The following PABPC1L variants were observed in gnomAD, a reference collection of about 807,000 sequenced individuals.
The protein encoded by PABPC1L is polyadenylate-binding protein 1-like.
Under a neutral mutation model 66.6 loss-of-function variants are expected in PABPC1L, and 31 were observed. The observed-to-expected ratio is 0.47, with a 90% CI of 0.35 to 0.63. PABPC1L has a LOEUF of 0.63. Among genes scored for constraint, PABPC1L ranks in the 20% least tolerant of loss-of-function variants. The pLI is 0.00. For missense variants in PABPC1L, 722 were observed against 848.8 expected, an observed-to-expected ratio of 0.85 and a Z score of 1.86; for synonymous variants, 348 against 335.1, an observed-to-expected ratio of 1.04 and a Z score of -0.42.
chr20:44,914,429 C>T (rs567344358), intron 2 of PABPC1L, among the ~76,000 whole-genome samples: 19 of 152,118 alleles, frequency 1.2e-4, no homozygotes, highest in Admixed American at 6.5e-4. Context: ...AGGATGGTCT[C>T]GATCTCCTGA....
At chr20:44,919,615 G>A (rs1424601263) in intron 5 of PABPC1L, among the ~76,000 whole-genome samples, 1 of 152,176 alleles carries the variant, frequency 6.6e-6, no homozygotes, top group Non-Finnish European at 1.5e-5. Context: ...TACGTGATAG[G>A]CTGAGGCAGG....
At chr20:44,913,565 T>C (rs1306353549) in intron 2 of PABPC1L, among the ~76,000 whole-genome samples, 18 of 152,010 alleles carry the variant, frequency 1.2e-4, no homozygotes, top group Admixed American at 1.2e-3. Flanking sequence ...GAATTACAGG[T>C]GCGAGCCACC....
chr20:44,915,803 A>T (rs1478293595), intron 2 of PABPC1L, among the ~76,000 whole-genome samples: 7 of 149,376 alleles, frequency 4.7e-5, no homozygotes, highest in African/African-American at 1.7e-4. Flanking sequence ...CTATCTCAAA[A>T]AAAAAAAAAA....
chr20:44,919,369 C>T (rs1293243548), intron 5 of PABPC1L, 92 bp downstream of exon 5: 1 of 1,384,714 alleles, frequency 7.2e-7, no homozygotes, highest in Non-Finnish European at 1.0e-6. Context: ...GGAAGAAAGT[C>T]CCTCCCCGGC....
At chr20:44,933,986 A>G (rs565796184) in intron 10 of PABPC1L, among the ~76,000 whole-genome samples, 41 of 152,088 alleles carry the variant, frequency 2.7e-4, no homozygotes, top group African/African-American at 9.4e-4. Flanking sequence ...TCCTGACCTT[A>G]GGTGATCCAC....
chr20:44,912,891 TG>T (rs1168581235), intron 2 of PABPC1L, 38 bp downstream of exon 2: 2 of 1,549,980 alleles, frequency 1.3e-6, no homozygotes, highest in African/African-American at 2.7e-5. Context: ...GGTAGATCGG[TG>T]TCAACTACCT....
At chr20:44,931,811 A>G (rs1373742531) in intron 8 of PABPC1L, 1 of 152,082 alleles carries the variant, frequency 6.6e-6, no homozygotes, top group African/African-American at 2.4e-5. Flanking sequence ...TTTCTTTACT[A>G]TCTACACTAT....
rs1241675446 is a variant in PABPC1L at position 44,933,155 on chromosome 20, C to T, written c.1429C>T (p.Pro477Ser). The T allele has an allele frequency of 1.2e-6, 2 of 1,608,946 alleles. No homozygotes were observed. Among genetic ancestry groups the T allele is most frequent in the Non-Finnish European group, 1.7e-6 (2 of 1,178,288 alleles). ...TGTCAGGCAGGCCTCCACCCAGGTGCCACGCACGGTGCCTCATACCCAGAG... is the reference window on the plus strand; with the variant it reads ...TGTCAGGCAGGCCTCCACCCAGGTGTCACGCACGGTGCCTCATACCCAGAG... ...SSVRQASTQV[P>S]RTVPHTQRVA... The change falls in exon 10 of 15, where the codon CCA becomes TCA. Residue 477 changes from proline (P) to serine (S), a missense_variant. Physicochemically the swap from Pro to Ser is moderately conservative, Grantham distance 74. This residue lies in a region of PABPC1L where 301 missense variants were observed against 337.2 expected (regional missense o/e 0.89). Transcript: ENST00000217073.
intron 3 of PABPC1L, among the ~76,000 whole-genome samples, chr20:44,917,460 A>G (rs1322649459): frequency 1.3e-5 from 2 of 151,698 alleles, no homozygotes; most frequent in Non-Finnish European, 2.9e-5. Flanking sequence ...AGCCTCCTAA[A>G]GTGTTAAAAT....
At chr20:44,911,344 A>T (rs774108185) in intron 1 of PABPC1L, among the ~76,000 whole-genome samples, 3 of 152,126 alleles carry the variant, frequency 2.0e-5, no homozygotes, top group Non-Finnish European at 4.4e-5. Flanking sequence ...GACGCCTGTA[A>T]TCCCAACTGC....
In PABPC1L at chr20:44,939,003, A is replaced by G. The variant is rs572019310; in HGVS notation, c.*7-123A>G. On this transcript the variant is annotated intron_variant, in intron 14 of 14. Coordinates refer to ENST00000217073, the MANE Select transcript of PABPC1L (RefSeq NM_001372179.1). ...CATGCAGAATAGTTTGGGCTTTCCCAGGGCCCTGCCTGGCTCCATTCTGCC... is the reference window on the plus strand; with the variant it reads ...CATGCAGAATAGTTTGGGCTTTCCCGGGGCCCTGCCTGGCTCCATTCTGCC... The G allele has an allele frequency of 1.9e-5, 13 of 686,790 alleles. No individual in the cohort carries two copies. In the Admixed American group the frequency reaches 2.3e-4, roughly 12 times the overall value. The allele number at this position is 686,790 out of a possible 1,614,324, so 42.5% of individuals were successfully genotyped here.
At chr20:44,921,047 A>C (rs1273728761) in intron 5 of PABPC1L, among the ~76,000 whole-genome samples, 3 of 151,764 alleles carry the variant, frequency 2.0e-5, no homozygotes, top group Non-Finnish European at 4.4e-5. Flanking sequence ...TCCTGACCTC[A>C]AGTGATCCAA....
intron 2 of PABPC1L, among the ~76,000 whole-genome samples, chr20:44,915,796 T>C (rs2066733835): frequency 8.9e-6 from 1 of 111,926 alleles, no homozygotes; most frequent in Non-Finnish European, 1.8e-5. Flanking sequence ...TGAAACTCTA[T>C]CTCAAAAAAA....
At chr20:44,933,217 G>T (rs1267012683) in intron 10 of PABPC1L, 32 bp downstream of exon 10, 1 of 1,554,600 alleles carries the variant, frequency 6.4e-7, no homozygotes, top group South Asian at 1.2e-5. Flanking sequence ...GGGAATGGGG[G>T]TGGGGCAAAG....
intron 2 of PABPC1L, among the ~76,000 whole-genome samples, chr20:44,914,714 T>C (rs2066727205): frequency 6.6e-6 from 1 of 152,144 alleles, no homozygotes; most frequent in Non-Finnish European, 1.5e-5. Context: ...GAAGAAAGAC[T>C]CTTAACTGTG....
intron 6 of PABPC1L, among the ~76,000 whole-genome samples, chr20:44,922,073 C>T (rs935540637): frequency 6.6e-6 from 1 of 152,116 alleles, no homozygotes; most frequent in Non-Finnish European, 1.5e-5. Flanking sequence ...TTGCCAGATG[C>T]CCCTAGAGGA....
rs2066754748 is a variant in PABPC1L at position 44,918,950 on chromosome 20, TGGG to T, written c.551_553del (p.Gly184del). The T allele has an allele frequency of 6.2e-7, 1 of 1,611,448 alleles. No individual in the cohort carries two copies. Among genetic ancestry groups the T allele is most frequent in the African/African-American group, 1.3e-5 (1 of 74,810 alleles). On this transcript the variant is annotated inframe_deletion, in exon 4 of 15. Coordinates refer to ENST00000217073, the MANE Select transcript of PABPC1L (RefSeq NM_001372179.1). ...TCTCGACGGGAGCGGGAGGCGGAGC[TGGG>T]GGCGCGGGCCCTGGAGTTCACCAAC...
intron 4 of PABPC1L, 39 bp from the exon 5 acceptor site, chr20:44,919,143 CT>C (rs2145560731): frequency 6.2e-7 from 1 of 1,613,936 alleles, no homozygotes; most frequent in Admixed American, 1.7e-5. Context: ...TTCCTGAGGA[CT>C]TCCCAGACTC....
chr20:44,918,774 A>G (rs2066753204), intron 3 of PABPC1L, 132 bp from the exon 4 acceptor site: 2 of 1,093,236 alleles, frequency 1.8e-6, no homozygotes, highest in Non-Finnish European at 2.6e-6. Flanking sequence ...TCTAAGGAGT[A>G]TTGTCCTGCC....
Sources: gnomAD v4.1 joint callset for allele counts (sites outside exome capture counted in the v4.1 genomes callset) on GRCh38, gnomAD v4.1.1 for gene constraint, gnomAD v4.1.1 regional missense constraint, MANE v1.5 for transcripts, NCBI Gene and HGNC (gene_info 2026-07-23, HGNC 2026-07-21) for gene names.